The following B4GALNT3 variants were observed in gnomAD, a reference collection of about 807,000 sequenced individuals.
B4GALNT3 encodes beta-1,4-N-acetylgalactosaminyltransferase 3.
In B4GALNT3, 86 loss-of-function variants were observed where a neutral mutation model predicts 120.2. The observed-to-expected ratio is 0.72, with a 90% CI of 0.60 to 0.86. The LOEUF (loss-of-function observed/expected upper bound fraction) is 0.86, where lower values mean the gene tolerates loss of function less well. Among genes scored for constraint, B4GALNT3 ranks in the 40% least tolerant of loss-of-function variants. The pLI, the probability that B4GALNT3 is intolerant of heterozygous loss-of-function variation, is 0.00. For missense variants in B4GALNT3, 1,167 were observed against 1,298.9 expected, an observed-to-expected ratio of 0.90 and a Z score of 1.56; for synonymous variants, 518 against 510.4, an observed-to-expected ratio of 1.01 and a Z score of -0.20.
At position 554,765 on chromosome 12, in the gene B4GALNT3, G is replaced by A. The variant is rs563981063; in HGVS notation, c.2060+782G>A. ...AGATTGCGCCACTGCACTCCAGCCT[G>A]GGCGACAGAGCAAGACTCCGTCTCA... On this transcript the variant is annotated intron_variant, in intron 14 of 19. Transcript: ENST00000266383. 2.8e-4 allele frequency among the ~76,000 whole-genome samples: 31 copies of A among 110,050 alleles called. 1 individual carries two copies. In the East Asian group the frequency reaches 6.2e-3, roughly 22 times the overall value. 72.2% of individuals were successfully genotyped at this position (110,050 alleles called of 152,430 possible).
chr12:487,744 A>C (rs576422873), intron 1 of B4GALNT3, among the ~76,000 whole-genome samples: 1 of 151,806 alleles, frequency 6.6e-6, no homozygotes, highest in East Asian at 1.9e-4. Context: ...AAGAAGAAGA[A>C]GACCAAGAAG....
chr12:543,097 C>T (rs1369360092), intron 3 of B4GALNT3: 3 of 1,287,868 alleles, frequency 2.3e-6, no homozygotes, highest in Non-Finnish European at 3.0e-6. Context: ...GGAATGAACA[C>T]CAGCCCCCTT....
Position 548,401 on chromosome 12 carries a change from G to A in B4GALNT3, c.853+104G>A, listed in dbSNP as rs960390557. ...GGGGAGGAGGGGAGGAAGGAAGCTC[G>A]AGATGCTTGGGACACGGGTATGAAG... On this transcript the variant is annotated intron_variant, in intron 9 of 19. Coordinates refer to ENST00000266383, the MANE Select transcript of B4GALNT3 (RefSeq NM_173593.4). This position sits in a 1 kb window ranked among gnomAD's most constrained non-coding sequence, Gnocchi z 4.9. The A allele has an allele frequency of 1.7e-5, 18 of 1,072,720 alleles. No homozygotes were observed. The highest frequency in any genetic ancestry group is 1.1e-4 in the African/African-American group (7 of 63,970). The allele number at this position is 1,072,720 out of a possible 1,614,324, so 66.5% of individuals were successfully genotyped here. A position where few individuals can be genotyped will look rare whatever the true frequency, so the allele number is the denominator to read the frequency against.
intron 1 of B4GALNT3, among the ~76,000 whole-genome samples, chr12:482,642 T>C (rs2120477407): frequency 6.6e-6 from 1 of 152,132 alleles, no homozygotes; most frequent in Middle Eastern, 3.4e-3. Flanking sequence ...TTATTTCCGG[T>C]GAGAGAGATG....
intron 1 of B4GALNT3, among the ~76,000 whole-genome samples, chr12:505,878 A>G (rs1364409672): frequency 1.3e-5 from 2 of 152,224 alleles, no homozygotes; most frequent in African/African-American, 2.4e-5. Context: ...ACCCTCTCCC[A>G]TGAAGAGCCC....
chr12:493,404 A>C (rs1946361794), intron 1 of B4GALNT3, among the ~76,000 whole-genome samples: 1 of 152,234 alleles, frequency 6.6e-6, no homozygotes. Context: ...AAAATCCAAA[A>C]TATTGACAAC....
intron 1 of B4GALNT3, among the ~76,000 whole-genome samples, chr12:493,030 C>T (rs1946357485): frequency 6.6e-6 from 1 of 152,084 alleles, no homozygotes; most frequent in Admixed American, 6.6e-5. Flanking sequence ...CTTGGGTATG[C>T]CAGTGACTTT....
chr12:525,086 T>TTTTGTTTATTTATTTA (rs1555156518), intron 1 of B4GALNT3, among the ~76,000 whole-genome samples: 19 of 130,616 alleles, frequency 1.5e-4, no homozygotes, highest in African/African-American at 4.5e-4. Context: ...AATAACACAA[T>TTTTGTTTATTTATTTA]TTTATTTATT....
intron 1 of B4GALNT3, among the ~76,000 whole-genome samples, chr12:494,647 C>T (rs987092586): frequency 2.6e-5 from 4 of 152,100 alleles, no homozygotes; most frequent in Admixed American, 1.3e-4. Flanking sequence ...CTCAGAGACC[C>T]GTGTAGTACT....
chr12:530,681 G>A (rs1262612717), intron 1 of B4GALNT3, among the ~76,000 whole-genome samples: 1 of 152,186 alleles, frequency 6.6e-6, no homozygotes, highest in Non-Finnish European at 1.5e-5. Context: ...AAATGGAGAA[G>A]ACAACACTTA....
intron 1 of B4GALNT3, among the ~76,000 whole-genome samples, chr12:488,652 T>A (rs565381714): frequency 1.3e-5 from 2 of 152,148 alleles, no homozygotes; most frequent in South Asian, 4.1e-4. Flanking sequence ...ACAAAAAAAT[T>A]TAAAAATTAA....
intron 1 of B4GALNT3, among the ~76,000 whole-genome samples, chr12:489,326 T>TA (rs200845116): frequency 0.14 from 15,911 of 112,568 alleles, 1,137 homozygotes; most frequent in African/African-American, 0.24. Flanking sequence ...TCCCAGAACT[T>TA]AAAAAAAAAA....
intron 1 of B4GALNT3, among the ~76,000 whole-genome samples, chr12:497,683 C>T (rs748495022): frequency 1.6e-4 from 24 of 152,104 alleles, no homozygotes; most frequent in Non-Finnish European, 2.8e-4. Flanking sequence ...TCTGGAGAAC[C>T]GGCTTTGTTC....
chr12:534,987 C>A (rs114022470), intron 1 of B4GALNT3, among the ~76,000 whole-genome samples, 179 bp from the exon 2 acceptor site: 1 of 152,238 alleles, frequency 6.6e-6, no homozygotes, highest in African/African-American at 2.4e-5. Flanking sequence ...TCTCTCTGCC[C>A]TGTGGGCCTT....
intron 1 of B4GALNT3, among the ~76,000 whole-genome samples, chr12:499,603 G>A (rs974479014): frequency 2.2e-5 from 3 of 136,806 alleles, no homozygotes; most frequent in Admixed American, 7.0e-5. Context: ...CTCCTAGCCC[G>A]TGGAGCCCGT....
rs552216534 is a variant in B4GALNT3, at chr12:563,025, G to C, written c.*1574G>C. ...GAATGGAGCCCGTGGAGAACCTTCT[G>C]GGGGGTCGGGGAGAATCCCTGCCTC... is the stretch of plus-strand genomic sequence containing the variant. On this transcript the variant is annotated 3_prime_UTR_variant, in exon 20 of 20. Transcript: ENST00000266383. The C allele has an allele frequency of 6.6e-6, 1 of 152,444 alleles. No homozygotes were observed. The highest frequency in any genetic ancestry group is 1.9e-4 in the East Asian group (1 of 5,188). 9.4% of individuals were successfully genotyped at this position (152,444 alleles called of 1,614,324 possible). A position where few individuals can be genotyped will look rare whatever the true frequency, so the allele number is the denominator to read the frequency against.
chr12:536,122 C>T, intron 2 of B4GALNT3, 96 bp from the exon 3 acceptor site: 1 of 952,978 alleles, frequency 1.0e-6, no homozygotes, highest in Non-Finnish European at 1.7e-6. Flanking sequence ...GTGCTCCGAG[C>T]CGACGCCTCC....
intron 6 of B4GALNT3, 66 bp from the exon 7 acceptor site, chr12:546,580 C>G: frequency 7.7e-6 from 11 of 1,433,152 alleles, no homozygotes; most frequent in Non-Finnish European, 1.1e-5. Flanking sequence ...TGGTCTCGCA[C>G]TCACCGCCTC....
chr12:550,982 G>A lies in B4GALNT3; in HGVS notation c.1058G>A (p.Ser353Asn). Residue 353 changes from serine to asparagine, a missense_variant, in exon 11 of 20, where the codon AGC (serine) becomes AAC (asparagine). By Grantham distance (46) the Ser-to-Asn change is conservative. Coordinates refer to ENST00000266383, the MANE Select transcript of B4GALNT3 (RefSeq NM_173593.4). This position sits in a 1 kb window ranked among gnomAD's most constrained non-coding sequence, Gnocchi z 4.1. ...HVLPDCPYKP[S>N]YLVDGLPLQR... is the part of the protein sequence containing the mutation. ...CTGCCTGACTGTCCCTACAAACCCAGCTATCTGGTGGATGGGCTTCCTCTG... is the reference window on the plus strand; with the variant it reads ...CTGCCTGACTGTCCCTACAAACCCAACTATCTGGTGGATGGGCTTCCTCTG... 1 of 1,614,140 alleles carries A rather than the reference G, an allele frequency of 6.2e-7. No individual in the cohort carries two copies. Among genetic ancestry groups the A allele is most frequent in the South Asian group, 1.1e-5 (1 of 91,088 alleles).
Sources: gnomAD v4.1 joint callset for allele counts (sites outside exome capture counted in the v4.1 genomes callset) on GRCh38, gnomAD v4.1.1 for gene constraint, Gnocchi (gnomAD v3.1) non-coding constraint, MANE v1.5 for transcripts, NCBI Gene and HGNC (gene_info 2026-07-23, HGNC 2026-07-21) for gene names.